Variants in SECISBP2 observed in about 807,000 individuals in gnomAD.
The protein encoded by SECISBP2 is selenocysteine insertion sequence-binding protein 2.
A neutral mutation model predicts 98.2 loss-of-function variants in SECISBP2; 96 were observed. The ratio of observed to expected loss-of-function variants is 0.98; its 90% CI spans 0.83 to 1.16. SECISBP2 has a LOEUF of 1.16. Among genes scored for constraint, SECISBP2 ranks in the 50% most tolerant of loss-of-function variants. SECISBP2 has a pLI of 0.00. For synonymous variants in SECISBP2, 407 were observed against 370.2 expected (o/e 1.10, Z -1.14); for missense variants, 1,046 against 1,022.9 (o/e 1.02, Z -0.31).
At chr9:89,356,002 T>A (rs1032512753) in intron 14 of SECISBP2, among the ~76,000 whole-genome samples, 1 of 152,234 alleles carries the variant, frequency 6.6e-6, no homozygotes, top group Admixed American at 6.5e-5. Flanking sequence ...TTTTTATTTC[T>A]TAGTGAAATC....
downstream of SECISBP2, among the ~76,000 whole-genome samples, chr9:89,363,273 C>CG (rs564784754): frequency 2.0e-5 from 3 of 152,152 alleles, no homozygotes; most frequent in South Asian, 2.1e-4. Flanking sequence ...GATTTCCCCC[C>CG]CCAGTGTTGC....
downstream of SECISBP2, among the ~76,000 whole-genome samples, chr9:89,362,901 G>A (rs938779915): frequency 6.6e-6 from 1 of 152,192 alleles, no homozygotes; most frequent in African/African-American, 2.4e-5. Flanking sequence ...CTTTGTCTCC[G>A]TGGGGAGACA....
At position 89,357,464 on chromosome 9, in the gene SECISBP2, A is replaced by G. The variant is rs1832264222; in HGVS notation, c.2167A>G (p.Ile723Val). 1.2e-6 allele frequency: 2 copies of G among 1,614,178 alleles called. No homozygotes were observed. Among genetic ancestry groups the G allele is most frequent in the Non-Finnish European group, 1.7e-6 (2 of 1,180,032 alleles). ...TATTGATTATGCCTGTGAGCAGAACATTCCCTTTGTGTTTGCTCTCAACCG... is the reference window on the plus strand; with the variant it reads ...TATTGATTATGCCTGTGAGCAGAACGTTCCCTTTGTGTTTGCTCTCAACCG... ...TIIDYACEQN[I>V]PFVFALNRKA... Residue 723 changes from isoleucine (I) to valine (V), a missense_variant, in exon 15 of 17, where the codon ATT (isoleucine) becomes GTT (valine). Ile to Val is a conservative substitution (Grantham distance 29, BLOSUM62 3). Transcript: ENST00000375807.
At chr9:89,362,378 G>T (rs750966998), downstream of SECISBP2, 1 of 1,614,108 alleles carries the variant, frequency 6.2e-7, no homozygotes, top group South Asian at 1.1e-5. Flanking sequence ...GTTGAGGTCG[G>T]TGTCAGGGAC....
In SECISBP2 at chr9:89,335,129, T is replaced by C. The variant is rs572246561; in HGVS notation, c.1089+399T>C. On this transcript the variant is annotated intron_variant, in intron 7 of 16. Transcript: ENST00000375807. ...TACTCGGGAGGCTGAGACAGGAGAA[T>C]GGCATGAACCCGGGAGGCGGAGCTT... Among the ~76,000 whole-genome samples, 279 of 149,296 alleles carry C rather than the reference T, an allele frequency of 1.9e-3. 1 individual carries two copies. The highest frequency in any genetic ancestry group is 6.4e-3 in the African/African-American group (260 of 40,502).
At chr9:89,332,695 G>T in intron 5 of SECISBP2, 1 of 576,868 alleles carries the variant, frequency 1.7e-6, no homozygotes, top group Non-Finnish European at 3.1e-6. Context: ...ACCAAGGAGT[G>T]CAGTGGCTAA....
chr9:89,340,955 T>C (rs981357403), intron 9 of SECISBP2, among the ~76,000 whole-genome samples: 2 of 152,062 alleles, frequency 1.3e-5, no homozygotes, highest in African/African-American at 4.8e-5. Flanking sequence ...CATTTGTTGG[T>C]TTACGGAGGC....
At position 89,356,156 on chromosome 9, in the gene SECISBP2, G is replaced by C. The variant is rs149857421; in HGVS notation, c.2114-1255G>C. Reference sequence around the variant, plus strand: ...CTGAGCTCTGCCTTCTGTCAGAACAGCAGCAGCGTTGGATTCGCATAGGAG... The same window carrying C: ...CTGAGCTCTGCCTTCTGTCAGAACACCAGCAGCGTTGGATTCGCATAGGAG... On this transcript the variant is annotated intron_variant, in intron 14 of 16. Transcript: ENST00000375807. Among the ~76,000 whole-genome samples, 926 of 152,318 alleles carry C rather than the reference G, an allele frequency of 6.1e-3. 6 individuals are homozygous for C. Among genetic ancestry groups the C allele is most frequent in the Middle Eastern group, 0.017 (5 of 294 alleles).
intron 1 of SECISBP2, 93 bp from the exon 2 acceptor site, chr9:89,319,558 TG>T: frequency 1.4e-6 from 2 of 1,386,292 alleles, no homozygotes; most frequent in Admixed American, 1.7e-5. Context: ...GGAACATTTC[TG>T]GGGCTATTAG....
At chr9:89,362,314 G>A (rs1232606527), downstream of SECISBP2, 3 of 1,611,288 alleles carry the variant, frequency 1.9e-6, no homozygotes, top group Non-Finnish European at 1.7e-6. Flanking sequence ...AGTTGTGGGG[G>A]ACCAGGCCTT....
At chr9:89,348,898 G>A (rs975203124) in intron 12 of SECISBP2, among the ~76,000 whole-genome samples, 7 of 152,268 alleles carry the variant, frequency 4.6e-5, no homozygotes, top group Admixed American at 3.3e-4. Flanking sequence ...TTGGACGAAT[G>A]TACAGGGTTG....
chr9:89,339,045 A>G (rs1328103239), intron 8 of SECISBP2, among the ~76,000 whole-genome samples: 4 of 152,236 alleles, frequency 2.6e-5, no homozygotes, highest in Non-Finnish European at 5.9e-5. Flanking sequence ...TTCCAAAAGC[A>G]TGCTTTAATT....
At chr9:89,347,970 C>A in intron 11 of SECISBP2, 109 bp from the exon 12 acceptor site, 1 of 1,082,516 alleles carries the variant, frequency 9.2e-7, no homozygotes, top group Non-Finnish European at 1.4e-6. Context: ...TCTCAGGGCA[C>A]TAAGAGGCAC....
intron 8 of SECISBP2, among the ~76,000 whole-genome samples, chr9:89,339,309 T>C (rs979867672): frequency 6.6e-6 from 1 of 152,248 alleles, no homozygotes; most frequent in African/African-American, 2.4e-5. Context: ...CTGGGTTACA[T>C]GTTTGAAAAC....
In SECISBP2 at chr9:89,348,052, A is replaced by G. The variant is rs1180835389; in HGVS notation, c.1603-27A>G. The stretch of plus-strand genomic sequence containing the variant: ...ATCTTTTAAGTACAAGTATTTAGGC[A>G]TTTTAATTGTTTATTTAATTTTTAA... On this transcript the variant is annotated intron_variant, in intron 11 of 16. Transcript: ENST00000375807. 3 of 1,589,402 alleles carry G rather than the reference A, an allele frequency of 1.9e-6. No individual in the cohort carries two copies. In the East Asian group the frequency reaches 6.9e-5, roughly 37 times the overall value.
downstream of SECISBP2, chr9:89,363,773 G>GTCT: frequency 6.2e-7 from 1 of 1,613,698 alleles, no homozygotes; most frequent in African/African-American, 1.3e-5. Context: ...CACCTTCGAA[G>GTCT]TCTTGTTCCC....
At position 89,358,156 on chromosome 9, in the gene SECISBP2, C is replaced by A. The variant is rs376609001; in HGVS notation, c.2426C>A (p.Pro809His). ...QGPSCPAEDG[P>H]PALKEKEEPH... The stretch of plus-strand genomic sequence containing the variant: ...CCCAGCTGCCCTGCAGAAGATGGCC[C>A]CCCAGCCCTGAAAGAAAAAGAAGAG... The change falls in exon 16 of 17, where the codon CCC (proline) becomes CAC (histidine). Residue 809 changes from proline to histidine, a missense_variant. Coordinates refer to ENST00000375807, the MANE Select transcript of SECISBP2 (RefSeq NM_024077.5). The A allele has an allele frequency of 5.0e-6, 8 of 1,613,514 alleles. No individual in the cohort carries two copies. The highest frequency in any genetic ancestry group is 5.9e-6 in the Non-Finnish European group (7 of 1,179,886).
At chr9:89,334,953 G>A (rs980816629) in intron 7 of SECISBP2, among the ~76,000 whole-genome samples, 2 of 152,178 alleles carry the variant, frequency 1.3e-5, no homozygotes, top group African/African-American at 2.4e-5. Context: ...GGTGGCTTAC[G>A]CCTGTAATCC....
rs761112328 is a variant in SECISBP2 at position 89,357,492 on chromosome 9, A to G, written c.2195A>G (p.Lys732Arg). 1.2e-6 allele frequency: 2 copies of G among 1,614,108 alleles called. No individual in the cohort carries two copies. Among genetic ancestry groups the G allele is most frequent in the African/African-American group, 1.3e-5 (1 of 74,942 alleles). Residue 732 changes from lysine (K) to arginine (R), a missense_variant, in exon 15 of 17, where the codon AAA (lysine) becomes AGA (arginine). Physicochemically the swap from Lys to Arg is conservative, Grantham distance 26. Transcript: ENST00000375807. ...NIPFVFALNR[K>R]ALGRSLNKAV... ...CCCTTTGTGTTTGCTCTCAACCGCA[A>G]AGCTCTGGGGCGCAGTTTGAATAAG...
Sources: allele counts gnomAD v4.1 joint callset (sites outside exome capture counted in the v4.1 genomes callset), GRCh38; gene constraint gnomAD v4.1.1; transcripts MANE v1.5; gene names NCBI Gene and HGNC (gene_info 2026-07-23, HGNC 2026-07-21).